The following FAM78B variants were observed in gnomAD, a reference collection of about 807,000 sequenced individuals.
FAM78B encodes protein FAM78B.
Under a neutral mutation model 20.0 loss-of-function variants are expected in FAM78B, and 10 were observed. That is an observed-to-expected ratio of 0.50 (90% confidence interval 0.31 to 0.85). The LOEUF is 0.85. FAM78B is among the 40% of genes least tolerant of loss of function. The pLI is 0.05. For missense variants in FAM78B, 283 were observed against 345.0 expected (o/e 0.82, Z 1.42); for synonymous variants, 135 against 132.8 (o/e 1.02, Z -0.12).
intron 1 of FAM78B, among the ~76,000 whole-genome samples, chr1:166,158,283 C>T (rs984318447): frequency 6.6e-6 from 1 of 152,158 alleles, no homozygotes; most frequent in South Asian, 2.1e-4. Flanking sequence ...TGTGATTGTG[C>T]CACTGCACTC....
At chr1:166,062,073 T>C (rs938278042) in intron 2 of FAM78B, among the ~76,000 whole-genome samples, 1 of 152,240 alleles carries the variant, frequency 6.6e-6, no homozygotes, top group Admixed American at 6.5e-5. Flanking sequence ...GTTTGGATTC[T>C]ATCAGTTTTC....
intron 1 of FAM78B, among the ~76,000 whole-genome samples, chr1:166,081,936 T>A (rs1652599257): frequency 6.6e-6 from 1 of 152,156 alleles, no homozygotes. Flanking sequence ...TTCTCCACTA[T>A]GCCTCTACAA....
intron 1 of FAM78B, among the ~76,000 whole-genome samples, chr1:166,075,078 G>T (rs959165662): frequency 5.3e-5 from 8 of 152,172 alleles, no homozygotes; most frequent in African/African-American, 1.9e-4. Context: ...GGGTAGTATC[G>T]GTTTGTGGAG....
chr1:166,090,188 C>G (rs987954715), intron 1 of FAM78B, among the ~76,000 whole-genome samples: 1 of 152,206 alleles, frequency 6.6e-6, no homozygotes, highest in Non-Finnish European at 1.5e-5. Context: ...GCCCTGAACT[C>G]CAGTACAGGT....
intron 1 of FAM78B, among the ~76,000 whole-genome samples, chr1:166,137,976 G>A (rs545353220): frequency 6.6e-6 from 1 of 152,276 alleles, no homozygotes; most frequent in South Asian, 2.1e-4. Flanking sequence ...GCAGGTGGCT[G>A]GAGGCAAAAA....
rs139165858 is a variant in FAM78B, at chr1:166,079,086, C to T, written c.264-8323G>A. 6.9e-3 allele frequency among the ~76,000 whole-genome samples: 1,047 copies of T among 152,144 alleles called. 11 individuals carry two copies. The highest frequency in any genetic ancestry group is 0.023 in the African/African-American group (972 of 41,502). ...AGCTGGGACTACAGGCATGCACCACCATGCCCAGCTAATTTTAAAACATTT... is the reference window on the plus strand; with the variant it reads ...AGCTGGGACTACAGGCATGCACCACTATGCCCAGCTAATTTTAAAACATTT... On this transcript the variant is annotated intron_variant, in intron 1 of 1. Coordinates refer to ENST00000354422, the MANE Select transcript of FAM78B (RefSeq NM_001017961.5).
chr1:166,131,780 G>A lies in FAM78B; in HGVS notation c.263+34206C>T, dbSNP rs562221416. On this transcript the variant is annotated intron_variant, in intron 1 of 1. Transcript: ENST00000354422. ...GTTTTATGAAAAAAAGTAAGGTTAC[G>A]TGGCTATGCACTAGTTGGAGGTCCT... Among the ~76,000 whole-genome samples, 4 of 152,274 alleles carry A rather than the reference G, an allele frequency of 2.6e-5. No individual in the cohort carries two copies. In the South Asian group the frequency reaches 8.3e-4, roughly 32 times the overall value.
intron 1 of FAM78B, among the ~76,000 whole-genome samples, chr1:166,081,536 T>C (rs922881008): frequency 6.6e-6 from 1 of 152,184 alleles, no homozygotes; most frequent in Non-Finnish European, 1.5e-5. Context: ...CAGAGCGCCG[T>C]GCAGGCCCAG....
intron 1 of FAM78B, among the ~76,000 whole-genome samples, chr1:166,090,467 A>G (rs1037332899): frequency 1.3e-5 from 2 of 152,168 alleles, no homozygotes; most frequent in African/African-American, 4.8e-5. Context: ...CCAAAGGAGG[A>G]GGCCACTCCA....
Position 166,149,206 on chromosome 1 carries a change from T to A in FAM78B, c.263+16780A>T, listed in dbSNP as rs530108053. Among the ~76,000 whole-genome samples, 5 of 152,348 alleles carry A rather than the reference T, an allele frequency of 3.3e-5. No individual in the cohort carries two copies. In the East Asian group the frequency reaches 9.6e-4, roughly 29 times the overall value. On this transcript the variant is annotated intron_variant, in intron 1 of 1. Coordinates refer to ENST00000354422, the MANE Select transcript of FAM78B (RefSeq NM_001017961.5). The stretch of plus-strand genomic sequence containing the variant: ...AATGGTATTTCTAGTTCTAGATCCC[T>A]GAGGAATCGCACATGTACCCTAAAA...
intron 1 of FAM78B, among the ~76,000 whole-genome samples, chr1:166,101,159 C>CA (rs1653498337): frequency 6.6e-6 from 1 of 152,218 alleles, no homozygotes; most frequent in African/African-American, 2.4e-5. Context: ...AACTAACAAA[C>CA]AGAAAGGACA....
intron 1 of FAM78B, among the ~76,000 whole-genome samples, chr1:166,105,599 G>C (rs1653740226): frequency 6.6e-6 from 1 of 152,178 alleles, no homozygotes. Flanking sequence ...ACAGACACAT[G>C]AAAAAATGCT....
intron 1 of FAM78B, among the ~76,000 whole-genome samples, chr1:166,156,034 C>T (rs780518497): frequency 2.0e-5 from 3 of 152,170 alleles, no homozygotes; most frequent in Admixed American, 6.5e-5. Flanking sequence ...CTGCGGATGC[C>T]GATTTACCGC....
At chr1:166,060,052 C>T (rs1651522751) in exon 3 of FAM78B, 1 of 160,496 alleles carries the variant, frequency 6.2e-6, no homozygotes, top group African/African-American at 2.4e-5. Context: ...GTGACTTACA[C>T]TCTGCCCCTG....
intron 1 of FAM78B, among the ~76,000 whole-genome samples, chr1:166,130,930 C>T (rs1049298983): frequency 3.1e-4 from 47 of 150,594 alleles, no homozygotes; most frequent in Non-Finnish European, 4.9e-4. Flanking sequence ...TGTCACAAGG[C>T]TGCGGGCCCA....
intron 1 of FAM78B, among the ~76,000 whole-genome samples, chr1:166,158,937 T>C (rs187685023): frequency 1.3e-5 from 2 of 152,270 alleles, no homozygotes; most frequent in Non-Finnish European, 2.9e-5. Context: ...AACCAACTTA[T>C]AAATGACAGC....
chr1:166,082,077 C>T (rs1652605092), intron 1 of FAM78B, among the ~76,000 whole-genome samples: 1 of 152,198 alleles, frequency 6.6e-6, no homozygotes, highest in Non-Finnish European at 1.5e-5. Context: ...GCTGCCCCTG[C>T]AAGCCACGAA....
At chr1:166,113,409 G>A (rs1332647089) in intron 1 of FAM78B, among the ~76,000 whole-genome samples, 1 of 152,226 alleles carries the variant, frequency 6.6e-6, no homozygotes, top group African/African-American at 2.4e-5. Context: ...CTACTTCACA[G>A]AACTATGAAG....
At chr1:166,084,708 G>A (rs1652743785) in intron 1 of FAM78B, among the ~76,000 whole-genome samples, 1 of 152,196 alleles carries the variant, frequency 6.6e-6, no homozygotes, top group Admixed American at 6.5e-5. Flanking sequence ...CCTCCTGAAT[G>A]AGTCTCCTGT....
Sources: allele counts gnomAD v4.1 joint callset (sites outside exome capture counted in the v4.1 genomes callset), GRCh38; gene constraint gnomAD v4.1.1; transcripts MANE v1.5; gene names NCBI Gene and HGNC (gene_info 2026-07-23, HGNC 2026-07-21).